Variants in CHN1 observed in about 807,000 individuals in gnomAD.
CHN1 encodes the protein chimerin 1, also known as N-chimaerin.
Under a neutral mutation model 59.5 loss-of-function variants are expected in CHN1, and 37 were observed. The ratio of observed to expected loss-of-function variants is 0.62; its 90% confidence interval spans 0.48 to 0.82. The LOEUF (loss-of-function observed/expected upper bound fraction) is 0.82. Among genes scored for constraint, CHN1 ranks in the 40% least tolerant of loss-of-function variants. The pLI is 0.00. For missense variants in CHN1, 469 were observed against 571.0 expected (o/e 0.82, Z 1.82); for synonymous variants, 206 against 200.4 (o/e 1.03, Z -0.24).
intron 10 of CHN1, chr2:174,811,229 G>A (rs1294390995): frequency 1.9e-5 from 5 of 261,904 alleles, no homozygotes; most frequent in Non-Finnish European, 3.6e-5. Context: ...CATTTTTGGT[G>A]AATGTAATTG....
At chr2:174,938,970 A>T (rs1386094655) in intron 3 of CHN1, among the ~76,000 whole-genome samples, 1 of 152,196 alleles carries the variant, frequency 6.6e-6, no homozygotes, top group Non-Finnish European at 1.5e-5. Context: ...AATATTTTTT[A>T]TATTGCAAAG....
At chr2:174,894,660 A>G (rs936538130) in intron 5 of CHN1, among the ~76,000 whole-genome samples, 2 of 152,154 alleles carry the variant, frequency 1.3e-5, no homozygotes, top group African/African-American at 4.8e-5. Context: ...TCTTGAAGAT[A>G]CTTGCACACC....
chr2:174,933,752 T>C (rs1689419397), intron 3 of CHN1, among the ~76,000 whole-genome samples: 1 of 152,128 alleles, frequency 6.6e-6, no homozygotes, highest in Non-Finnish European at 1.5e-5. Flanking sequence ...AAGCTGTTGA[T>C]GGTGGAGGAA....
chr2:174,931,472 G>C (rs1015682662), intron 3 of CHN1, among the ~76,000 whole-genome samples: 1 of 152,130 alleles, frequency 6.6e-6, no homozygotes, highest in African/African-American at 2.4e-5. Flanking sequence ...AATAAAACAA[G>C]AACATTGTAC....
intron 6 of CHN1, among the ~76,000 whole-genome samples, chr2:174,858,820 A>G (rs181434518): frequency 6.6e-6 from 1 of 152,202 alleles, no homozygotes; most frequent in East Asian, 1.9e-4. Flanking sequence ...GCATCTGTAC[A>G]AGGTCCACAT....
At chr2:174,825,025 A>G (rs1317532446) in intron 7 of CHN1, among the ~76,000 whole-genome samples, 1 of 152,228 alleles carries the variant, frequency 6.6e-6, no homozygotes, top group East Asian at 1.9e-4. Context: ...TTTAGGAATG[A>G]TAAATCAGAC....
chr2:174,921,106 T>C (rs150988475), intron 3 of CHN1: 99 of 353,878 alleles, frequency 2.8e-4, no homozygotes, highest in African/African-American at 1.8e-3. Context: ...AGTTGAAGCT[T>C]CGCTGGCTCA....
At chr2:174,845,526 T>C (rs1686478115) in intron 7 of CHN1, among the ~76,000 whole-genome samples, 1 of 152,168 alleles carries the variant, frequency 6.6e-6, no homozygotes, top group South Asian at 2.1e-4. Context: ...GATACCTCTT[T>C]TCTATCCGGT....
chr2:174,823,002 TAACTG>T (rs1427382897), intron 8 of CHN1, among the ~76,000 whole-genome samples: 3 of 152,192 alleles, frequency 2.0e-5, no homozygotes, highest in African/African-American at 7.2e-5. Flanking sequence ...AAGGGAATAA[TAACTG>T]AAAGAAGAGC....
intron 5 of CHN1, among the ~76,000 whole-genome samples, chr2:174,880,735 C>A (rs1033950851): frequency 6.6e-5 from 10 of 152,112 alleles, no homozygotes; most frequent in Non-Finnish European, 1.0e-4. Context: ...AATACAAATA[C>A]ACAAAGTGCT....
chr2:174,872,770 T>A (rs1234177491), intron 6 of CHN1, among the ~76,000 whole-genome samples: 1 of 152,166 alleles, frequency 6.6e-6, no homozygotes, highest in African/African-American at 2.4e-5. Context: ...AACATGCTAT[T>A]CCTAGCAAAA....
intron 7 of CHN1, among the ~76,000 whole-genome samples, chr2:174,838,324 C>A (rs1686165206): frequency 6.6e-6 from 1 of 152,104 alleles, no homozygotes; most frequent in South Asian, 2.1e-4. Flanking sequence ...AACTCCTGAC[C>A]TCAGGTGATC....
chr2:174,877,921 T>G lies in CHN1; in HGVS notation c.468A>C (p.Ala156=). 1.9e-6 allele frequency: 3 copies of G among 1,613,950 alleles called. No homozygotes were observed. The highest frequency in any genetic ancestry group is 2.5e-6 in the Non-Finnish European group (3 of 1,179,834). ...VGYTTLNREP[A]YKKHMPVLKE... ...TCAGGACTGGCATATGTTTTTTGTA[T>G]GCTGGCTCTCTGTTTAAGGTTGTGT... Residue 156 remains alanine (A), a synonymous_variant, in exon 6 of 13, where the codon GCA becomes GCC. Transcript: ENST00000409900.
intron 5 of CHN1, among the ~76,000 whole-genome samples, chr2:174,900,767 T>C (rs1372468795): frequency 6.6e-6 from 1 of 151,180 alleles, no homozygotes; most frequent in African/African-American, 2.4e-5. Flanking sequence ...ATTGCGCCAT[T>C]GCACCCCAGC....
intron 3 of CHN1, among the ~76,000 whole-genome samples, chr2:174,923,113 A>G (rs16862936): frequency 0.11 from 16,516 of 151,950 alleles, 2,018 homozygotes; most frequent in African/African-American, 0.3. Flanking sequence ...TTAATTATAT[A>G]CCTAATATCG....
chr2:174,900,197 T>C (rs999497450), intron 5 of CHN1, among the ~76,000 whole-genome samples: 3 of 152,084 alleles, frequency 2.0e-5, no homozygotes, highest in African/African-American at 4.8e-5. Context: ...AGAAAGTAAA[T>C]GTAACTACCA....
At chr2:174,849,867 C>G (rs1405097603) in intron 6 of CHN1, among the ~76,000 whole-genome samples, 1 of 152,208 alleles carries the variant, frequency 6.6e-6, no homozygotes, top group Non-Finnish European at 1.5e-5. Context: ...AAACACTACA[C>G]TATATCCACC....
At chr2:174,961,004 T>G (rs1009784746) in intron 1 of CHN1, among the ~76,000 whole-genome samples, 6 of 151,718 alleles carry the variant, frequency 4.0e-5, no homozygotes, top group Non-Finnish European at 8.8e-5. Flanking sequence ...GGCGCGTGAC[T>G]GTAGTCCCAG....
chr2:174,801,819 T>C lies in CHN1; in HGVS notation c.1103-7A>G, dbSNP rs1684730318. 20 of 1,598,886 alleles carry C rather than the reference T, an allele frequency of 1.3e-5. No homozygotes were observed. In the East Asian group the frequency reaches 4.2e-4, roughly 34 times the overall value. On this transcript the variant is annotated splice_region_variant and splice_polypyrimidine_tract_variant and intron_variant, in intron 11 of 12. Coordinates refer to ENST00000409900, the MANE Select transcript of CHN1 (RefSeq NM_001822.7). ...TCATCCGGATCCATAATTTCTAAAA[T>C]AGCAAGTCGAATACCAAGAAGAAAA... is the stretch of plus-strand genomic sequence containing the variant.
Sources: gnomAD v4.1 joint callset for allele counts (sites outside exome capture counted in the v4.1 genomes callset) on GRCh38, gnomAD v4.1.1 for gene constraint, MANE v1.5 for transcripts, NCBI Gene and HGNC (gene_info 2026-07-23, HGNC 2026-07-21) for gene names.